LRP1B: variants seen among roughly 807,000 people sequenced by gnomAD.
LRP1B encodes low-density lipoprotein receptor-related protein 1B.
LRP1B carries 217 observed loss-of-function variants against 556.6 expected under a neutral mutation model. The ratio of observed to expected loss-of-function variants is 0.39; its 90% CI spans 0.35 to 0.44. The LOEUF (loss-of-function observed/expected upper bound fraction) is 0.44. LRP1B is among the 20% of genes least tolerant of loss of function. The pLI is 1.00. For synonymous variants in LRP1B, 2,047 were observed against 1,865.8 expected (o/e 1.10, Z -2.50); for missense variants, 5,053 against 5,620.8 (o/e 0.90, Z 3.23).
chr2:140,627,738 A>G (rs371165362), intron 41 of LRP1B, among the ~76,000 whole-genome samples: 10 of 152,306 alleles, frequency 6.6e-5, no homozygotes, highest in African/African-American at 2.4e-4. Context: ...TTATATATAC[A>G]GAAAAAAAGA....
At chr2:140,533,916 G>T in intron 47 of LRP1B, 105 bp downstream of exon 47, 1 of 1,172,058 alleles carries the variant, frequency 8.5e-7, no homozygotes, top group Non-Finnish European at 1.2e-6. Context: ...ATCCATAGAT[G>T]TTACTAGGTG....
rs376727895 is a variant in LRP1B at position 141,784,415 on chromosome 2, C to T, written c.205+25864G>A. Among the ~76,000 whole-genome samples the T allele has an allele frequency of 5.9e-5, 9 of 151,940 alleles. No homozygotes were observed. In the East Asian group the frequency reaches 9.7e-4, roughly 16 times the overall value. On this transcript the variant is annotated intron_variant, in intron 2 of 90. Transcript: ENST00000389484. Reference sequence around the variant, plus strand: ...ATATTTTACTGAAAATTTGTGTGAACATATAGGTCTCGGCTCTACAACGCT... The same window carrying T: ...ATATTTTACTGAAAATTTGTGTGAATATATAGGTCTCGGCTCTACAACGCT...
In LRP1B at chr2:141,879,548, C is replaced by CA. The variant is rs1456076782; in HGVS notation, c.83-69148dup. Among the ~76,000 whole-genome samples, 34 of 151,136 alleles carry CA rather than the reference C, an allele frequency of 2.2e-4. 1 individual carries two copies. Among genetic ancestry groups the CA allele is most frequent in the Admixed American group, 2.6e-4 (4 of 15,134 alleles). ...TTTGAGTCACTTCTGCTCTTCTATC[C>CA]AGGGTTTTTTTTTGTCACAGAAACT... On this transcript the variant is annotated intron_variant, in intron 1 of 90. Transcript: ENST00000389484.
chr2:141,693,211 AT>A (rs1453569222), intron 2 of LRP1B, among the ~76,000 whole-genome samples: 1 of 151,878 alleles, frequency 6.6e-6, no homozygotes, highest in South Asian at 2.1e-4. Context: ...AGCAATTAGC[AT>A]TTTTTTCTTG....
chr2:142,030,654 G>A (rs1254691500), intron 1 of LRP1B, among the ~76,000 whole-genome samples: 1 of 151,884 alleles, frequency 6.6e-6, no homozygotes, highest in Non-Finnish European at 1.5e-5. Context: ...AGTAATGGCA[G>A]GAGATAGATT....
chr2:141,652,809 G>T (rs181390644), intron 2 of LRP1B, among the ~76,000 whole-genome samples: 207 of 152,064 alleles, frequency 1.4e-3, no homozygotes, highest in African/African-American at 4.8e-3. Flanking sequence ...GAATCTCATG[G>T]CCTCCTTCTA....
intron 5 of LRP1B, among the ~76,000 whole-genome samples, chr2:141,236,212 A>T (rs1335813403): frequency 1.3e-5 from 2 of 152,174 alleles, no homozygotes; most frequent in Non-Finnish European, 2.9e-5. Context: ...AGTGCACAAC[A>T]TGATGTTTTG....
chr2:141,717,663 C>T (rs927821750), intron 2 of LRP1B, among the ~76,000 whole-genome samples: 2 of 152,196 alleles, frequency 1.3e-5, no homozygotes, highest in South Asian at 2.1e-4. Context: ...AGCAGATCAA[C>T]GCACTTACCC....
At chr2:140,981,090 G>T (rs1400522533) in intron 18 of LRP1B, among the ~76,000 whole-genome samples, 1 of 151,724 alleles carries the variant, frequency 6.6e-6, no homozygotes, top group Non-Finnish European at 1.5e-5. Flanking sequence ...TGGGGACTTG[G>T]TGGGGGGAAA....
chr2:141,577,756 T>C (rs781573747), intron 2 of LRP1B, among the ~76,000 whole-genome samples: 7 of 152,228 alleles, frequency 4.6e-5, no homozygotes, highest in Non-Finnish European at 8.8e-5. Context: ...TGTACTTTTG[T>C]GACTTCAATA....
At chr2:141,891,870 T>G (rs1699304478) in intron 1 of LRP1B, among the ~76,000 whole-genome samples, 1 of 152,094 alleles carries the variant, frequency 6.6e-6, no homozygotes, top group African/African-American at 2.4e-5. Flanking sequence ...ACTTTAATAT[T>G]TTTTTCTGTG....
chr2:141,897,565 T>G (rs1699491571), intron 1 of LRP1B, among the ~76,000 whole-genome samples: 1 of 152,182 alleles, frequency 6.6e-6, no homozygotes, highest in Non-Finnish European at 1.5e-5. Flanking sequence ...AGCTCTGTAT[T>G]AGCCCACAAA....
rs1023087183 is a variant in LRP1B at position 141,626,501 on chromosome 2, C to A, written c.206-145968G>T. On this transcript the variant is annotated intron_variant, in intron 2 of 90. Coordinates refer to ENST00000389484, the MANE Select transcript of LRP1B (RefSeq NM_018557.3). ...TTAGAATCTGCTTCTCTGTGAAAGACAATGTCAAGAGAATGAGAAGCCATC... is the reference window on the plus strand; with the variant it reads ...TTAGAATCTGCTTCTCTGTGAAAGAAAATGTCAAGAGAATGAGAAGCCATC... Among the ~76,000 whole-genome samples the A allele has an allele frequency of 2.0e-5, 3 of 152,110 alleles. No individual in the cohort carries two copies. In the East Asian group the frequency reaches 5.8e-4, roughly 29 times the overall value.
intron 20 of LRP1B, among the ~76,000 whole-genome samples, chr2:140,926,261 G>A (rs1694883584): frequency 6.6e-6 from 1 of 152,034 alleles, no homozygotes; most frequent in Non-Finnish European, 1.5e-5. Flanking sequence ...TCATTAATGT[G>A]TAACTCCTTG....
chr2:140,846,498 A>G (rs940355346), intron 29 of LRP1B, among the ~76,000 whole-genome samples: 1 of 152,120 alleles, frequency 6.6e-6, no homozygotes, highest in African/African-American at 2.4e-5. Flanking sequence ...AGGAGTTTGC[A>G]GTGAGCCCAG....
chr2:141,804,783 G>A (rs959136072), intron 2 of LRP1B, among the ~76,000 whole-genome samples: 2 of 152,016 alleles, frequency 1.3e-5, no homozygotes, highest in Admixed American at 6.6e-5. Context: ...TTACTGTGAG[G>A]CAGGTACTAC....
intron 57 of LRP1B, among the ~76,000 whole-genome samples, chr2:140,488,121 C>A (rs912779537): frequency 6.6e-6 from 1 of 151,690 alleles, no homozygotes; most frequent in East Asian, 1.9e-4. Flanking sequence ...CATGGAAGAG[C>A]CTGAAAAAAG....
At chr2:140,742,533 T>G (rs908888150) in intron 35 of LRP1B, among the ~76,000 whole-genome samples, 4 of 152,156 alleles carry the variant, frequency 2.6e-5, no homozygotes, top group Non-Finnish European at 5.9e-5. Context: ...AACTGCTACA[T>G]TTATTATGGC....
rs2105134951 is a variant in LRP1B at position 140,358,021 on chromosome 2, C to G, written c.11353G>C (p.Asp3785His). The G allele has an allele frequency of 1.9e-6, 3 of 1,611,460 alleles. No homozygotes were observed. The highest frequency in any genetic ancestry group is 2.5e-6 in the Non-Finnish European group (3 of 1,178,304). Residue 3785 changes from aspartate to histidine, a missense_variant, in exon 74 of 91, where the codon GAT (aspartate) becomes CAT (histidine). Asp to His is a moderately conservative substitution (Grantham distance 81). Coordinates refer to ENST00000389484, the MANE Select transcript of LRP1B (RefSeq NM_018557.3). ...IPMDLQCDRL[D>H]DCGDGSDEQG... ...TCATCTGAACCATCTCCGCAGTCAT[C>G]AAGTCGATCACACTGGAGATCCATA... is the stretch of plus-strand genomic sequence containing the variant.
Sources: allele counts gnomAD v4.1 joint callset (sites outside exome capture counted in the v4.1 genomes callset), GRCh38; gene constraint gnomAD v4.1.1; transcripts MANE v1.5; gene names NCBI Gene and HGNC (gene_info 2026-07-23, HGNC 2026-07-21).